ZFP36L1: variants seen among roughly 807,000 people sequenced by gnomAD.
The protein encoded by ZFP36L1 is mRNA decay activator protein ZFP36L1.
ZFP36L1 carries 4 observed loss-of-function variants against 16.7 expected under a neutral mutation model. The ratio of observed to expected loss-of-function variants is 0.24; its 90% CI spans 0.12 to 0.55. The LOEUF (loss-of-function observed/expected upper bound fraction) is 0.55, where lower values mean the gene tolerates loss of function less well. ZFP36L1 is among the 20% of genes least tolerant of loss of function. The pLI is 0.94. For missense variants in ZFP36L1, 311 were observed against 449.2 expected (o/e 0.69, Z 2.78); for synonymous variants, 220 against 190.8 (o/e 1.15, Z -1.26).
chr14:68,792,080 C>T (rs1895090502), intron 1 of ZFP36L1, among the ~76,000 whole-genome samples: 1 of 152,192 alleles, frequency 6.6e-6, no homozygotes, highest in Admixed American at 6.5e-5. Context: ...GAGTTTAAAA[C>T]TTGCTTTTTC....
In ZFP36L1 at chr14:68,789,363, G is replaced by T. The variant is rs1476454429; in HGVS notation, c.*170C>A. Reference sequence around the variant, plus strand: ...TTGACTTGTCCTTATGTTAGGTGGGGTTATGAGGGGGAGAGGGAGGGCACA... The same window carrying T: ...TTGACTTGTCCTTATGTTAGGTGGGTTTATGAGGGGGAGAGGGAGGGCACA... On this transcript the variant is annotated 3_prime_UTR_variant, in exon 2 of 2. Coordinates refer to ENST00000439696, the MANE Select transcript of ZFP36L1 (RefSeq NM_004926.4). The surrounding 1 kb of genome is among the most constrained non-coding windows in gnomAD (Gnocchi z 4.5). 6 of 961,718 alleles carry T rather than the reference G, an allele frequency of 6.2e-6. No homozygotes were observed. The East Asian group carries it at 7.6e-5, about 12-fold the overall frequency. The allele number at this position is 961,718 out of a possible 1,614,324, so 59.6% of individuals were successfully genotyped here.
intron 1 of ZFP36L1, among the ~76,000 whole-genome samples, chr14:68,792,428 C>T (rs1895109756): frequency 6.6e-6 from 1 of 152,286 alleles, no homozygotes; most frequent in Admixed American, 6.5e-5. Context: ...TGGAGGAAAA[C>T]ATTGTCCCGA....
At chr14:68,792,642 C>T (rs1202745373) in intron 1 of ZFP36L1, among the ~76,000 whole-genome samples, 1 of 152,122 alleles carries the variant, frequency 6.6e-6, no homozygotes, top group African/African-American at 2.4e-5. Context: ...AGGCAAACTT[C>T]GCCCCTCAAA....
chr14:68,790,937 C>T (rs759758903), intron 1 of ZFP36L1: 2 of 629,904 alleles, frequency 3.2e-6, no homozygotes, highest in South Asian at 3.6e-5. Context: ...ACGTTAGGTC[C>T]CCTTCCAATC....
rs1267559668 is a variant in ZFP36L1 at position 68,788,289 on chromosome 14, T to C, written c.*1244A>G. ...ATTTAACATAAAAGAATATATTCTA[T>C]GGATTTGTCATCCCGATAAATATGA... On this transcript the variant is annotated 3_prime_UTR_variant, in exon 2 of 2. Coordinates refer to ENST00000439696, the MANE Select transcript of ZFP36L1 (RefSeq NM_004926.4). 1 of 152,412 alleles carries C rather than the reference T, an allele frequency of 6.6e-6. No individual in the cohort carries two copies. Among genetic ancestry groups the C allele is most frequent in the Non-Finnish European group, 1.5e-5 (1 of 68,038 alleles). The allele number at this position is 152,412 out of a possible 1,614,324, so 9.4% of individuals were successfully genotyped here. A position where few individuals can be genotyped will look rare whatever the true frequency, so the allele number is the denominator to read the frequency against.
chr14:68,791,732 C>CGCTGGCAGCCGGGCTGGCAAGT, intron 1 of ZFP36L1, among the ~76,000 whole-genome samples: 1 of 152,006 alleles, frequency 6.6e-6, no homozygotes, highest in Non-Finnish European at 1.5e-5. Flanking sequence ...TGTTGGGGAG[C>CGCTGGCAGCCGGGCTGGCAAGT]GCTGGCAGCC....
At chr14:68,791,796 T>C (rs1441711949) in intron 1 of ZFP36L1, among the ~76,000 whole-genome samples, 1 of 152,032 alleles carries the variant, frequency 6.6e-6, no homozygotes, top group East Asian at 1.9e-4. Flanking sequence ...GCTGAAAAAT[T>C]CAAACTTTTT....
chr14:68,795,433 G>A (rs1895224344), upstream of ZFP36L1, among the ~76,000 whole-genome samples: 1 of 152,292 alleles, frequency 6.6e-6, no homozygotes, highest in East Asian at 1.9e-4. Flanking sequence ...CTGGGAGCGG[G>A]CGGGGCCCCC....
upstream of ZFP36L1, chr14:68,793,876 C>A: frequency 2.1e-6 from 2 of 973,898 alleles, no homozygotes; most frequent in Non-Finnish European, 1.2e-6. Flanking sequence ...GTGCGCCGCA[C>A]GCGTCGACAC....
chr14:68,790,281 G>T lies in ZFP36L1; in HGVS notation c.269C>A (p.Ser90Tyr). The T allele has an allele frequency of 6.2e-7, 1 of 1,610,366 alleles. No homozygotes were observed. The highest frequency in any genetic ancestry group is 8.5e-7 in the Non-Finnish European group (1 of 1,179,760). ...CAGCCGCTCGCCCCCTTCCGAGAAG[G>T]AGCGGTCTCGGAAGCGGCTGTCTCG... ...SSRDSRFRDR[S>Y]FSEGGERLLP... Residue 90 changes from serine to tyrosine, a missense_variant, in exon 2 of 2, where the codon TCC becomes TAC. By Grantham distance (144) the Ser-to-Tyr change is moderately radical. Coordinates refer to ENST00000439696, the MANE Select transcript of ZFP36L1 (RefSeq NM_004926.4).
upstream of ZFP36L1, chr14:68,793,540 TTTC>T (rs1350154152): frequency 1.0e-6 from 1 of 985,826 alleles, no homozygotes; most frequent in Non-Finnish European, 1.2e-6. Flanking sequence ...CGGGCTCGAC[TTTC>T]TCTTTTTGCC....
chr14:68,795,738 G>A, upstream of ZFP36L1: 1 of 525,378 alleles, frequency 1.9e-6, no homozygotes, highest in Non-Finnish European at 3.9e-6. Flanking sequence ...GTTTGTTCCA[G>A]CTCCCAGAGC....
At chr14:68,795,751 G>C (rs760457387), upstream of ZFP36L1, 7 of 532,618 alleles carry the variant, frequency 1.3e-5, no homozygotes, top group Non-Finnish European at 1.9e-5. Flanking sequence ...CCCAGAGCCT[G>C]TCTCTATAAT....
In ZFP36L1 at chr14:68,789,321, A is replaced by AAG. The variant is rs1895000471; in HGVS notation, c.*210_*211dup. Reference sequence around the variant, plus strand: ...ATCCAGGGAGGGGGTTTCAAGCCAGAAGAAGCTACTGACAAATTGACTTGT... The same window carrying AAG: ...ATCCAGGGAGGGGGTTTCAAGCCAGAAGAGAAGCTACTGACAAATTGACTTGT... On this transcript the variant is annotated 3_prime_UTR_variant, in exon 2 of 2. Coordinates refer to ENST00000439696, the MANE Select transcript of ZFP36L1 (RefSeq NM_004926.4). This position sits in a 1 kb window ranked among gnomAD's most constrained non-coding sequence, Gnocchi z 4.5. 3 of 632,840 alleles carry AAG rather than the reference A, an allele frequency of 4.7e-6. No homozygotes were observed. The highest frequency in any genetic ancestry group is 5.8e-5 in the East Asian group (2 of 34,596). 39.2% of individuals were successfully genotyped at this position (632,840 alleles called of 1,614,324 possible).
At chr14:68,794,609 C>T (rs1261209969), upstream of ZFP36L1, 2 of 152,368 alleles carry the variant, frequency 1.3e-5, no homozygotes, top group Non-Finnish European at 2.9e-5. Flanking sequence ...TGTTATGAAA[C>T]CCGGTGCTGC....
At position 68,790,283 on chromosome 14, in the gene ZFP36L1, G is replaced by A. The variant is rs780434598; in HGVS notation, c.267C>T (p.Arg89=). The A allele has an allele frequency of 1.2e-6, 2 of 1,610,392 alleles. No individual in the cohort carries two copies. The highest frequency in any genetic ancestry group is 2.2e-5 in the South Asian group (2 of 91,056). ...LSSRDSRFRD[R]SFSEGGERLL... is the part of the protein sequence containing the mutation. ...GCCGCTCGCCCCCTTCCGAGAAGGA[G>A]CGGTCTCGGAAGCGGCTGTCTCGCG... The change falls in exon 2 of 2, where the codon CGC becomes CGT. Residue 89 remains arginine, a synonymous_variant. Transcript: ENST00000439696.
intron 1 of ZFP36L1, among the ~76,000 whole-genome samples, chr14:68,791,724 T>A (rs1895075650): frequency 6.6e-6 from 1 of 152,034 alleles, no homozygotes; most frequent in East Asian, 1.9e-4. Context: ...GGAAGAAATG[T>A]TGGGGAGCGC....
chr14:68,796,213 T>G (rs1227701944), upstream of ZFP36L1: 2 of 1,366,474 alleles, frequency 1.5e-6, no homozygotes, highest in African/African-American at 3.0e-5. Context: ...GAGGTGGTGG[T>G]GGGGTGGGAT....
intron 1 of ZFP36L1, among the ~76,000 whole-genome samples, chr14:68,792,664 C>T (rs1895125694): frequency 6.6e-6 from 1 of 152,242 alleles, no homozygotes; most frequent in Admixed American, 6.5e-5. Context: ...CCCTGGCCTC[C>T]AGATTCACAT....
Sources: gnomAD v4.1 joint callset for allele counts (sites outside exome capture counted in the v4.1 genomes callset) on GRCh38, gnomAD v4.1.1 for gene constraint, Gnocchi (gnomAD v3.1) non-coding constraint, MANE v1.5 for transcripts, NCBI Gene and HGNC (gene_info 2026-07-23, HGNC 2026-07-21) for gene names.